BACH2: variants seen among roughly 807,000 people sequenced by gnomAD.
BACH2 encodes transcription regulator protein BACH2.
Under a neutral mutation model 61.8 loss-of-function variants are expected in BACH2, and 5 were observed. The observed-to-expected ratio is 0.08, with a 90% CI of 0.04 to 0.17. BACH2 has a LOEUF of 0.17. BACH2 is among the 10% of genes least tolerant of loss of function. The probability of loss-of-function intolerance (pLI) is 1.00; values close to 1 mark genes in which losing one functional copy is unlikely to be tolerated. For synonymous variants in BACH2, 446 were observed against 440.1 expected (o/e 1.01, Z -0.17); for missense variants, 824 against 1,091.1 (o/e 0.76, Z 3.45).
At chr6:90,048,691 T>C (rs191453454) in intron 5 of BACH2, among the ~76,000 whole-genome samples, 9 of 152,350 alleles carry the variant, frequency 5.9e-5, no homozygotes, top group African/African-American at 1.9e-4. Context: ...ATTTTAATTA[T>C]TTTAAAAATT....
chr6:90,067,875 G>A (rs13199026), intron 5 of BACH2, among the ~76,000 whole-genome samples: 15,806 of 152,016 alleles, frequency 0.1, 1,075 homozygotes, highest in Non-Finnish European at 0.14. Flanking sequence ...AGTCCCCAGA[G>A]TATACCACAG....
intron 6 of BACH2, among the ~76,000 whole-genome samples, chr6:89,984,619 A>C (rs1480289666): frequency 6.6e-6 from 1 of 152,352 alleles, no homozygotes; most frequent in South Asian, 2.1e-4. Flanking sequence ...TTAGGATAAT[A>C]GGTGCTCCTG....
chr6:90,032,615 A>G (rs1006093256), intron 5 of BACH2, among the ~76,000 whole-genome samples: 98 of 152,112 alleles, frequency 6.4e-4, no homozygotes, highest in African/African-American at 2.1e-3. Context: ...AATGCTCATC[A>G]TCACTGGCCA....
intron 4 of BACH2, among the ~76,000 whole-genome samples, chr6:90,190,866 C>T (rs1038079427): frequency 2.0e-5 from 3 of 152,260 alleles, no homozygotes; most frequent in Admixed American, 2.0e-4. Flanking sequence ...CATATGGAGA[C>T]ACCAAGTTCC....
At chr6:90,108,236 A>T (rs1486819771) in intron 4 of BACH2, among the ~76,000 whole-genome samples, 1 of 152,130 alleles carries the variant, frequency 6.6e-6, no homozygotes, top group Non-Finnish European at 1.5e-5. Flanking sequence ...CTAACCTGAG[A>T]TCTCAAGGGA....
intron 3 of BACH2, among the ~76,000 whole-genome samples, chr6:90,210,312 AACACACACACACACACAC>A (rs3072671): frequency 1.4e-5 from 2 of 147,132 alleles, no homozygotes; most frequent in Non-Finnish European, 3.0e-5. Flanking sequence ...ACCCCAAAAC[AACACACACACACACACAC>A]ACACACACAC....
chr6:90,227,311 C>G (rs1268218158), intron 3 of BACH2, among the ~76,000 whole-genome samples: 1 of 152,234 alleles, frequency 6.6e-6, no homozygotes, highest in Non-Finnish European at 1.5e-5. Flanking sequence ...CACCCACACT[C>G]AGACCCCGGG....
chr6:90,140,141 G>A (rs1418373507), intron 4 of BACH2, among the ~76,000 whole-genome samples: 1 of 152,176 alleles, frequency 6.6e-6, no homozygotes, highest in Non-Finnish European at 1.5e-5. Flanking sequence ...AAGGGCTGAA[G>A]AAGGGTGCAG....
At chr6:90,261,061 A>G (rs1397638806) in intron 2 of BACH2, among the ~76,000 whole-genome samples, 2 of 152,340 alleles carry the variant, frequency 1.3e-5, no homozygotes, top group African/African-American at 2.4e-5. Context: ...TTGGGCCATC[A>G]GTCAACTACG....
chr6:90,154,308 A>T (rs1784919904), intron 4 of BACH2, among the ~76,000 whole-genome samples: 1 of 152,214 alleles, frequency 6.6e-6, no homozygotes, highest in Non-Finnish European at 1.5e-5. Context: ...AGATCAGGAC[A>T]AAGGGTAAAA....
intron 6 of BACH2, among the ~76,000 whole-genome samples, chr6:89,970,007 T>G (rs1386644609): frequency 6.6e-6 from 1 of 152,050 alleles, no homozygotes; most frequent in Non-Finnish European, 1.5e-5. Flanking sequence ...AAAAATCCTC[T>G]TCTACACTAA....
chr6:90,141,776 T>C (rs547072483), intron 4 of BACH2, among the ~76,000 whole-genome samples: 1 of 152,342 alleles, frequency 6.6e-6, no homozygotes, highest in East Asian at 1.9e-4. Flanking sequence ...TCTGAAATCA[T>C]ATTTTATTAA....
intron 1 of BACH2, among the ~76,000 whole-genome samples, chr6:90,276,522 A>G (rs1358783944): frequency 6.6e-6 from 1 of 152,250 alleles, no homozygotes; most frequent in Non-Finnish European, 1.5e-5. Flanking sequence ...GCCTCTGGAT[A>G]AACGTCTAAG....
At position 90,133,810 on chromosome 6, in the gene BACH2, C is replaced by A. The variant is rs888394227; in HGVS notation, c.-161-44701G>T. ...TGCGGTGTTTGGTTTTTTGCCCTTG[C>A]GATAGTTTGCTGAGAATGATGGTTT... On this transcript the variant is annotated intron_variant, in intron 4 of 8. Transcript: ENST00000257749. Among the ~76,000 whole-genome samples, 49 of 152,000 alleles carry A rather than the reference C, an allele frequency of 3.2e-4. 2 individuals are homozygous for A. Among genetic ancestry groups the A allele is most frequent in the Non-Finnish European group, 7.4e-5 (5 of 68,006 alleles).
chr6:90,089,597 TTTA>T, intron 4 of BACH2, among the ~76,000 whole-genome samples: 1 of 152,306 alleles, frequency 6.6e-6, no homozygotes, highest in South Asian at 2.1e-4. Flanking sequence ...AAAATTAATA[TTTA>T]TTTTTTCAGA....
At chr6:90,200,716 G>A (rs1768928178) in intron 4 of BACH2, among the ~76,000 whole-genome samples, 1 of 152,164 alleles carries the variant, frequency 6.6e-6, no homozygotes, top group South Asian at 2.1e-4. Context: ...AAAGAAAGGT[G>A]TCCTATGTTT....
Position 90,241,591 on chromosome 6 carries a change from C to T in BACH2, c.-275+10922G>A, listed in dbSNP as rs997656634. Among the ~76,000 whole-genome samples the T allele has an allele frequency of 4.1e-4, 63 of 152,206 alleles. 1 individual carries two copies. Among genetic ancestry groups the T allele is most frequent in the African/African-American group, 1.4e-3 (57 of 41,452 alleles). ...ATGGCCACAAGCCCACATTTTCACC[C>T]TGTCTGTTGTCAAAAGCAAGGTAGG... On this transcript the variant is annotated intron_variant, in intron 3 of 8. Transcript: ENST00000257749.
rs181865077 is a variant in BACH2, at chr6:90,094,797, T to C, written c.-161-5688A>G. Reference sequence around the variant, plus strand: ...CTTTCGAGCTTCACCATGCCACTTCTGGTTCCCCTGCCCTAAGTCAGACTT... The same window carrying C: ...CTTTCGAGCTTCACCATGCCACTTCCGGTTCCCCTGCCCTAAGTCAGACTT... On this transcript the variant is annotated intron_variant, in intron 4 of 8. Transcript: ENST00000257749. 2.9e-4 allele frequency among the ~76,000 whole-genome samples: 44 copies of C among 152,312 alleles called. 1 individual carries two copies. Among genetic ancestry groups the C allele is most frequent in the South Asian group, 8.3e-4 (4 of 4,830 alleles).
intron 1 of BACH2, among the ~76,000 whole-genome samples, chr6:90,288,477 A>C (rs1772086399): frequency 6.6e-6 from 1 of 152,150 alleles, no homozygotes. Context: ...TTAATGTTTC[A>C]AGTGGCTCCT....
Sources: allele counts gnomAD v4.1 joint callset (sites outside exome capture counted in the v4.1 genomes callset), GRCh38; gene constraint gnomAD v4.1.1; transcripts MANE v1.5; gene names NCBI Gene and HGNC (gene_info 2026-07-23, HGNC 2026-07-21).